Variants in LHFPL3 observed in about 807,000 individuals in gnomAD.
LHFPL3 encodes LHFPL tetraspan subfamily member 3 protein.
Under a neutral mutation model 19.3 loss-of-function variants are expected in LHFPL3, and 5 were observed. That is an observed-to-expected ratio of 0.26 (90% confidence interval 0.14 to 0.54). The LOEUF (loss-of-function observed/expected upper bound fraction) is 0.54, where lower values mean the gene tolerates loss of function less well. Ranked by LOEUF, LHFPL3 falls within the 20% of genes least tolerant of loss-of-function variation. LHFPL3 has a pLI of 0.94. For synonymous variants in LHFPL3, 133 were observed against 126.2 expected, an observed-to-expected ratio of 1.05 and a Z score of -0.36; for missense variants, 249 against 307.4, an observed-to-expected ratio of 0.81 and a Z score of 1.42.
At chr7:104,422,285 C>T (rs776197860) in intron 1 of LHFPL3, among the ~76,000 whole-genome samples, 6 of 152,106 alleles carry the variant, frequency 3.9e-5, no homozygotes, top group South Asian at 2.1e-4. Context: ...CACTTGAACC[C>T]GGGAGGTGGA....
rs59883984 is a variant in LHFPL3, at chr7:104,444,104, T to A, written c.445+114880T>A. On this transcript the variant is annotated intron_variant, in intron 1 of 2. Transcript: ENST00000424859. ...TTAAATACTTTCCCTAAAATTGGAATCTTTTAGTGAGCTTTCCTTCTCAGA... is the reference window on the plus strand; with the variant it reads ...TTAAATACTTTCCCTAAAATTGGAAACTTTTAGTGAGCTTTCCTTCTCAGA... 0.013 allele frequency among the ~76,000 whole-genome samples: 1,910 copies of A among 152,336 alleles called. 61 individuals are homozygous for A. In the East Asian group the frequency reaches 0.13, roughly 11 times the overall value.
chr7:104,416,565 A>T (rs1791627130), intron 1 of LHFPL3, among the ~76,000 whole-genome samples: 1 of 152,180 alleles, frequency 6.6e-6, no homozygotes, highest in African/African-American at 2.4e-5. Flanking sequence ...CCTACAAGGG[A>T]GGCTTGGGAA....
chr7:104,614,815 A>G (rs1006571715), intron 1 of LHFPL3, among the ~76,000 whole-genome samples: 3 of 150,704 alleles, frequency 2.0e-5, no homozygotes, highest in Non-Finnish European at 4.4e-5. Flanking sequence ...CAGTGGCACA[A>G]TCACAGCTCA....
intron 1 of LHFPL3, among the ~76,000 whole-genome samples, chr7:104,707,872 A>C (rs970416812): frequency 1.3e-5 from 2 of 152,232 alleles, no homozygotes; most frequent in African/African-American, 2.4e-5. Flanking sequence ...ACGATACTAC[A>C]AGCCAATTCA....
At chr7:104,379,369 G>T (rs776299198) in intron 1 of LHFPL3, among the ~76,000 whole-genome samples, 6 of 152,268 alleles carry the variant, frequency 3.9e-5, no homozygotes, top group Non-Finnish European at 8.8e-5. Context: ...TGCCAACATT[G>T]GGAATTTCCC....
rs200810320 is a variant in LHFPL3, at chr7:104,525,611, T to TTG, written c.445+196388_445+196389insGT. 8.4e-3 allele frequency among the ~76,000 whole-genome samples: 973 copies of TTG among 115,606 alleles called. 6 individuals carry two copies. Among genetic ancestry groups the TTG allele is most frequent in the Middle Eastern group, 0.032 (7 of 220 alleles). 75.8% of individuals were successfully genotyped at this position (115,606 alleles called of 152,430 possible). A position where few individuals can be genotyped will look rare whatever the true frequency, so the allele number is the denominator to read the frequency against. ...TTGGTTTTTTTGTTTTTTGGGTTTT[T>TTG]TTTTTTTTTTTTTGAGATGGAGTCT... On this transcript the variant is annotated intron_variant, in intron 1 of 2. Transcript: ENST00000424859.
intron 1 of LHFPL3, among the ~76,000 whole-genome samples, chr7:104,425,006 G>GAAAAAAAAAAAAAAAAAAA (rs1253098447): frequency 8.2e-6 from 1 of 122,214 alleles, no homozygotes; most frequent in African/African-American, 3.6e-5. Flanking sequence ...AAAAAAAAAA[G>GAAAAAAAAAAAAAAAAAAA]AAGTATCTGA....
intron 1 of LHFPL3, among the ~76,000 whole-genome samples, chr7:104,666,509 A>ATTTTTT (rs1315147894): frequency 6.3e-4 from 28 of 44,138 alleles, no homozygotes; most frequent in South Asian, 2.3e-3. Context: ...ACAGGATTTC[A>ATTTTTT]TTCTTTTTTT....
At chr7:104,517,725 C>G (rs1366933445) in intron 1 of LHFPL3, among the ~76,000 whole-genome samples, 1 of 152,102 alleles carries the variant, frequency 6.6e-6, no homozygotes, top group Non-Finnish European at 1.5e-5. Context: ...CCAGGCTGGT[C>G]TTAAACTCCT....
chr7:104,556,701 T>G (rs1399850641), intron 1 of LHFPL3, among the ~76,000 whole-genome samples: 2 of 152,258 alleles, frequency 1.3e-5, no homozygotes, highest in African/African-American at 4.8e-5. Flanking sequence ...TACACAAGTT[T>G]CTGCAGCCAG....
chr7:104,340,298 C>T (rs2116364683), intron 1 of LHFPL3, among the ~76,000 whole-genome samples: 1 of 151,888 alleles, frequency 6.6e-6, no homozygotes, highest in Non-Finnish European at 1.5e-5. Context: ...GGCAAACCAT[C>T]AAGGATAGAG....
chr7:104,865,059 C>T (rs188720207), intron 2 of LHFPL3, among the ~76,000 whole-genome samples: 1,746 of 152,158 alleles, frequency 0.011, 35 homozygotes, highest in African/African-American at 0.04. Flanking sequence ...GACATCCACA[C>T]AAAAACCCCA....
intron 1 of LHFPL3, among the ~76,000 whole-genome samples, chr7:104,642,004 C>CA (rs1791844987): frequency 6.9e-6 from 1 of 145,132 alleles, no homozygotes; most frequent in Non-Finnish European, 1.5e-5. Context: ...ACAAAATGGA[C>CA]AATAAAAATA....
intron 1 of LHFPL3, among the ~76,000 whole-genome samples, chr7:104,642,995 T>C (rs1368893983): frequency 2.0e-5 from 3 of 152,378 alleles, no homozygotes; most frequent in South Asian, 4.1e-4. Flanking sequence ...AGTCTAACTT[T>C]AGTGATATTT....
intron 1 of LHFPL3, among the ~76,000 whole-genome samples, chr7:104,521,198 G>T (rs990538455): frequency 3.3e-5 from 5 of 151,938 alleles, no homozygotes; most frequent in African/African-American, 4.8e-5. Flanking sequence ...CCTTCATTTC[G>T]TTATGTACCC....
intron 1 of LHFPL3, among the ~76,000 whole-genome samples, chr7:104,494,441 G>A (rs1471318345): frequency 1.3e-5 from 2 of 151,976 alleles, no homozygotes; most frequent in African/African-American, 4.8e-5. Flanking sequence ...TTCTCTCTTT[G>A]TTAATTATGT....
At chr7:104,809,005 C>A (rs182827187) in intron 2 of LHFPL3, among the ~76,000 whole-genome samples, 1 of 150,400 alleles carries the variant, frequency 6.6e-6, no homozygotes, top group African/African-American at 2.4e-5. Flanking sequence ...AAGCAATTCT[C>A]CTCCCTCAGC....
In LHFPL3 at chr7:104,736,680, T is replaced by G; in HGVS notation, c.451T>G (p.Cys151Gly). Residue 151 changes from cysteine (C) to glycine (G), a missense_variant, in exon 2 of 3, where the codon TGC (cysteine) becomes GGC (glycine). By Grantham distance (159) the Cys-to-Gly change is radical. Transcript: ENST00000424859. Reference sequence around the variant, plus strand: ...TTTCTCTCTTTCTCTCCAAGCTGCCTGCCTTGTGCTTGGCTGTATGATTTT... The same window carrying G: ...TTTCTCTCTTTCTCTCCAAGCTGCCGGCCTTGTGCTTGGCTGTATGATTTT... ...CAWMQLTSAACLVLGCMIFPD... is the reference protein window; with the variant it reads ...CAWMQLTSAAGLVLGCMIFPD... 1 of 1,608,882 alleles carries G rather than the reference T, an allele frequency of 6.2e-7. No individual in the cohort carries two copies. Among genetic ancestry groups the G allele is most frequent in the Non-Finnish European group, 8.5e-7 (1 of 1,176,078 alleles).
At chr7:104,735,139 C>T (rs1793783649) in intron 1 of LHFPL3, among the ~76,000 whole-genome samples, 1 of 152,218 alleles carries the variant, frequency 6.6e-6, no homozygotes, top group Non-Finnish European at 1.5e-5. Flanking sequence ...CTAGGGGTGC[C>T]TCCCAGATAG....
Sources: gnomAD v4.1 joint callset for allele counts (sites outside exome capture counted in the v4.1 genomes callset) on GRCh38, gnomAD v4.1.1 for gene constraint, MANE v1.5 for transcripts, NCBI Gene and HGNC (gene_info 2026-07-23, HGNC 2026-07-21) for gene names.